Variants in LTBP1 observed in about 807,000 individuals in gnomAD.
The protein encoded by LTBP1 is latent-transforming growth factor beta-binding protein 1.
LTBP1 carries 129 observed loss-of-function variants against 207.6 expected under a neutral mutation model. That is an observed-to-expected ratio of 0.62 (90% CI 0.54 to 0.72). LTBP1 has a LOEUF of 0.72. Among genes scored for constraint, LTBP1 ranks in the 30% least tolerant of loss-of-function variants. The pLI is 0.00. For missense variants in LTBP1, 2,281 were observed against 2,217.2 expected (o/e 1.03, Z -0.58); for synonymous variants, 963 against 833.7 (o/e 1.16, Z -2.67).
At chr2:33,266,139 G>A (rs551693883) in intron 15 of LTBP1, among the ~76,000 whole-genome samples, 11 of 152,244 alleles carry the variant, frequency 7.2e-5, no homozygotes, top group South Asian at 2.1e-4. Context: ...GCCTCTCCCC[G>A]CTGCCAGCGC....
chr2:33,015,575 G>A (rs1350082593), intron 2 of LTBP1, among the ~76,000 whole-genome samples: 1 of 141,498 alleles, frequency 7.1e-6, no homozygotes, highest in East Asian at 2.5e-4. Context: ...ACTAGCATGT[G>A]GAATGTGAAT....
At position 33,095,834 on chromosome 2, in the gene LTBP1, CAA is replaced by C. The variant is rs574294902; in HGVS notation, c.864-14746_864-14745del. 1.1e-4 allele frequency among the ~76,000 whole-genome samples: 16 copies of C among 151,850 alleles called. No individual in the cohort carries two copies. The East Asian group carries it at 1.5e-3, about 15-fold the overall frequency. ...AATATTAATTATTTAATCTAGAAAACAAAGAGAAAAATTATTAAAGAAAAATG... is the reference window on the plus strand; with the variant it reads ...AATATTAATTATTTAATCTAGAAAACAGAGAAAAATTATTAAAGAAAAATG... On this transcript the variant is annotated intron_variant, in intron 3 of 33. Coordinates refer to ENST00000404816, the MANE Select transcript of LTBP1 (RefSeq NM_206943.4).
intron 5 of LTBP1, among the ~76,000 whole-genome samples, chr2:33,177,480 T>C (rs2086180782): frequency 6.6e-6 from 1 of 152,062 alleles, no homozygotes; most frequent in South Asian, 2.1e-4. Context: ...TGAAACCCTG[T>C]TTAGTACATA....
rs148069186 is a variant in LTBP1 at position 33,051,946 on chromosome 2, C to T, written c.863+30740C>T. 3.7e-3 allele frequency among the ~76,000 whole-genome samples: 556 copies of T among 152,240 alleles called. 13 individuals are homozygous for T. Among genetic ancestry groups the T allele is most frequent in the Admixed American group, 0.033 (506 of 15,292 alleles). ...CTCTTTAAAAGTTTTATTTGAATAC[C>T]GATCCATGGTTTGCACAAGCCATTT... is the stretch of plus-strand genomic sequence containing the variant. On this transcript the variant is annotated intron_variant, in intron 3 of 33. Transcript: ENST00000404816.
chr2:33,382,236 A>G (rs2095224455), intron 31 of LTBP1, among the ~76,000 whole-genome samples: 1 of 151,448 alleles, frequency 6.6e-6, no homozygotes, highest in East Asian at 1.9e-4. Flanking sequence ...CTGGGACTAC[A>G]GGTGCACGCC....
At chr2:33,156,047 C>T (rs552981020) in intron 5 of LTBP1, among the ~76,000 whole-genome samples, 32 of 152,284 alleles carry the variant, frequency 2.1e-4, no homozygotes, top group African/African-American at 5.5e-4. Context: ...CTACCACTAT[C>T]GAGTCTCTTC....
At position 33,389,054 on chromosome 2, in the gene LTBP1, G is replaced by A; in HGVS notation, c.4712-130G>A. 6 of 1,275,858 alleles carry A rather than the reference G, an allele frequency of 4.7e-6. No homozygotes were observed. The South Asian group carries it at 5.5e-5, about 12-fold the overall frequency. The allele number at this position is 1,275,858 out of a possible 1,614,324, so 79.0% of individuals were successfully genotyped here. A position where few individuals can be genotyped will look rare whatever the true frequency, so the allele number is the denominator to read the frequency against. On this transcript the variant is annotated intron_variant, in intron 31 of 33. Transcript: ENST00000404816. ...GATATTCAGACACTTTCCAGGCTCA[G>A]TGGTACGCAGGAGATGGAGACACAC...
chr2:33,362,706 T>C (rs1443567843), intron 28 of LTBP1, among the ~76,000 whole-genome samples: 1 of 152,194 alleles, frequency 6.6e-6, no homozygotes, highest in Non-Finnish European at 1.5e-5. Flanking sequence ...ACCTTAGCTC[T>C]AAAATGCTAG....
At chr2:33,092,195 G>GCACACACACA (rs1553403357) in intron 3 of LTBP1, among the ~76,000 whole-genome samples, 1 of 149,018 alleles carries the variant, frequency 6.7e-6, no homozygotes, top group African/African-American at 2.5e-5. Flanking sequence ...ACACACACAC[G>GCACACACACA]CGCACACACA....
chr2:33,312,403 A>G (rs1347122400), intron 23 of LTBP1, among the ~76,000 whole-genome samples: 3 of 152,228 alleles, frequency 2.0e-5, no homozygotes, highest in African/African-American at 4.8e-5. Context: ...TACAGACAGT[A>G]TGGAAATTCC....
chr2:32,987,075 C>A (rs974578548), intron 2 of LTBP1, among the ~76,000 whole-genome samples: 1 of 152,070 alleles, frequency 6.6e-6, no homozygotes, highest in Non-Finnish European at 1.5e-5. Flanking sequence ...GGGGAAGGTC[C>A]CCCAAGGAAG....
intron 2 of LTBP1, among the ~76,000 whole-genome samples, chr2:33,009,007 G>A (rs1046330077): frequency 3.9e-5 from 6 of 152,298 alleles, no homozygotes; most frequent in African/African-American, 1.4e-4. Flanking sequence ...TGGGAGAGAT[G>A]GCAGAGGTTT....
At chr2:33,352,428 C>G (rs561071448) in intron 26 of LTBP1, among the ~76,000 whole-genome samples, 1 of 152,276 alleles carries the variant, frequency 6.6e-6, no homozygotes, top group African/African-American at 2.4e-5. Context: ...CTGCACCCAA[C>G]TCTGTCTATT....
intron 2 of LTBP1, among the ~76,000 whole-genome samples, chr2:32,998,311 A>T (rs1181832037): frequency 6.6e-6 from 1 of 151,852 alleles, no homozygotes; most frequent in Non-Finnish European, 1.5e-5. Flanking sequence ...AGGTCAGGAG[A>T]TCGAGACCAT....
intron 19 of LTBP1, among the ~76,000 whole-genome samples, chr2:33,287,911 G>T (rs1469648788): frequency 6.6e-6 from 1 of 152,182 alleles, no homozygotes; most frequent in Non-Finnish European, 1.5e-5. Context: ...ATTTTGCCAT[G>T]CTTGCTTTTC....
chr2:33,337,189 C>A (rs879401975), intron 24 of LTBP1, among the ~76,000 whole-genome samples: 1 of 152,094 alleles, frequency 6.6e-6, no homozygotes, highest in Non-Finnish European at 1.5e-5. Flanking sequence ...TGCATGGGTT[C>A]GAGTTCTACT....
At chr2:32,984,081 T>C (rs1190590326) in intron 2 of LTBP1, among the ~76,000 whole-genome samples, 1 of 152,214 alleles carries the variant, frequency 6.6e-6, no homozygotes, top group Admixed American at 6.5e-5. Flanking sequence ...TTTCAACTTT[T>C]TGGAGCACTC....
At chr2:33,035,217 A>G (rs569154231) in intron 3 of LTBP1, among the ~76,000 whole-genome samples, 1 of 152,334 alleles carries the variant, frequency 6.6e-6, no homozygotes, top group South Asian at 2.1e-4. Context: ...CAGTCCTTGT[A>G]TGATTTATAA....
chr2:33,050,048 T>A (rs1435929486), intron 3 of LTBP1, among the ~76,000 whole-genome samples: 1 of 152,060 alleles, frequency 6.6e-6, no homozygotes, highest in Non-Finnish European at 1.5e-5. Context: ...CTTGCTTTGT[T>A]GCCTAGGTTG....
Sources: gnomAD v4.1 joint callset for allele counts (sites outside exome capture counted in the v4.1 genomes callset) on GRCh38, gnomAD v4.1.1 for gene constraint, MANE v1.5 for transcripts, NCBI Gene and HGNC (gene_info 2026-07-23, HGNC 2026-07-21) for gene names.